VPS13D: variants seen among roughly 807,000 people sequenced by gnomAD.
The protein encoded by VPS13D is vacuolar protein sorting 13 homolog D.
A neutral mutation model predicts 461.9 loss-of-function variants in VPS13D; 187 were observed. The ratio of observed to expected loss-of-function variants is 0.40; its 90% confidence interval spans 0.36 to 0.46. VPS13D has a LOEUF of 0.46. Among genes scored for constraint, VPS13D ranks in the 20% least tolerant of loss-of-function variants. The pLI is 0.60. For missense variants in VPS13D, 4,711 were observed against 5,364.9 expected (o/e 0.88, Z 3.81); for synonymous variants, 1,951 against 1,986.3 (o/e 0.98, Z 0.47).
chr1:12,346,125 T>C (rs1643670214), intron 43 of VPS13D, among the ~76,000 whole-genome samples: 1 of 152,178 alleles, frequency 6.6e-6, no homozygotes, highest in Non-Finnish European at 1.5e-5. Flanking sequence ...CATGGAACAC[T>C]TGCACTTATT....
rs763465736 is a variant in VPS13D, at chr1:12,291,254, T to C, written c.5852+130T>C. On this transcript the variant is annotated intron_variant, in intron 23 of 69. Transcript: ENST00000620676. ...TCTTAGAGGTGAAATTGAGAAGTTATGGTTATGAGGAGTTCTTCCTGACTT... is the reference window on the plus strand; with the variant it reads ...TCTTAGAGGTGAAATTGAGAAGTTACGGTTATGAGGAGTTCTTCCTGACTT... 39 of 1,011,278 alleles carry C rather than the reference T, an allele frequency of 3.9e-5. 1 individual carries two copies. The highest frequency in any genetic ancestry group is 5.6e-5 in the Non-Finnish European group (39 of 702,564). 62.6% of individuals were successfully genotyped at this position (1,011,278 alleles called of 1,614,324 possible).
chr1:12,447,878 C>T (rs1313258252), intron 65 of VPS13D, among the ~76,000 whole-genome samples: 12 of 152,112 alleles, frequency 7.9e-5, no homozygotes, highest in Non-Finnish European at 1.2e-4. Context: ...CTGTATTTTG[C>T]GATTTTAATT....
Position 12,509,920 on chromosome 1 carries a change from T to A in VPS13D, c.*896T>A, listed in dbSNP as rs1305027919. 1 of 152,174 alleles carries A rather than the reference T, an allele frequency of 6.6e-6. No individual in the cohort carries two copies. The allele number at this position is 152,174 out of a possible 1,614,324, so 9.4% of individuals were successfully genotyped here. The stretch of plus-strand genomic sequence containing the variant: ...GAAAAAAAAAGTCCCATTGAACTGT[T>A]GCAACAAATCAGAAATCCACATAAA... On this transcript the variant is annotated 3_prime_UTR_variant, in exon 70 of 70. Coordinates refer to ENST00000620676, the MANE Select transcript of VPS13D (RefSeq NM_015378.4).
rs904967857 is a variant in VPS13D, at chr1:12,423,567, A to G, written c.12333+6740A>G. Among the ~76,000 whole-genome samples the G allele has an allele frequency of 2.6e-5, 4 of 152,154 alleles. No individual in the cohort carries two copies. In the East Asian group the frequency reaches 7.7e-4, roughly 29 times the overall value. On this transcript the variant is annotated intron_variant, in intron 65 of 69. Transcript: ENST00000620676. ...AGAAAATCTAGCTAGGACTTTAAATACCATTTTGTTCCATTTCTTTGGTTT... is the reference window on the plus strand; with the variant it reads ...AGAAAATCTAGCTAGGACTTTAAATGCCATTTTGTTCCATTTCTTTGGTTT...
In VPS13D at chr1:12,249,325, G is replaced by A. The variant is rs771272141; in HGVS notation, c.550G>A (p.Ala184Thr). ...ICIKNVSMQN[A>T]VNEPVQKLMR... The stretch of plus-strand genomic sequence containing the variant: ...CATTAAGAATGTGTCCATGCAAAAT[G>A]CTGTGAATGAGCCTGTGAGTATGAA... The change falls in exon 6 of 70, where the codon GCT becomes ACT. Residue 184 changes from alanine (A) to threonine (T), a missense_variant. Coordinates refer to ENST00000620676, the MANE Select transcript of VPS13D (RefSeq NM_015378.4). 1.2e-6 allele frequency: 2 copies of A among 1,613,044 alleles called. No individual in the cohort carries two copies. Among genetic ancestry groups the A allele is most frequent in the Non-Finnish European group, 1.7e-6 (2 of 1,179,468 alleles).
Position 12,322,741 on chromosome 1 carries a change from T to C in VPS13D, c.7910T>C (p.Val2637Ala). The C allele has an allele frequency of 6.2e-7, 1 of 1,614,002 alleles. No individual in the cohort carries two copies. Among genetic ancestry groups the C allele is most frequent in the South Asian group, 1.1e-5 (1 of 91,074 alleles). ...GGGACAAGACACACCTTAGATCCTG[T>C]CTTGGGTAGGTGTTTAACTATAAAA... ...REGTRHTLDPVLELQLARLQE... is the reference protein window; with the variant it reads ...REGTRHTLDPALELQLARLQE... The change falls in exon 34 of 70, where the codon GTC (valine) becomes GCC (alanine). Residue 2637 changes from valine (V) to alanine (A), a missense_variant. Val to Ala is a moderately conservative substitution (Grantham distance 64). Transcript: ENST00000620676.
At chr1:12,501,628 C>T (rs536032527) in intron 68 of VPS13D, among the ~76,000 whole-genome samples, 7 of 152,352 alleles carry the variant, frequency 4.6e-5, no homozygotes, top group African/African-American at 1.2e-4. Flanking sequence ...GACAGACTAA[C>T]GCATACATTT....
In VPS13D at chr1:12,261,002, C is replaced by G; in HGVS notation, c.1267C>G (p.Pro423Ala). Residue 423 changes from proline (P) to alanine (A), a missense_variant, in exon 12 of 70, where the codon CCC (proline) becomes GCC (alanine). Transcript: ENST00000620676. ...AGGAGCCTGTCCGGGAGCCCCAGAA[C>G]CCGGTGGAGGCAGTGGGATGCTGCA... The part of the protein sequence containing the change: ...SPGACPGAPE[P>A]GGGSGMLQYL... The G allele has an allele frequency of 6.2e-7, 1 of 1,613,912 alleles. No individual in the cohort carries two copies. Among genetic ancestry groups the G allele is most frequent in the Non-Finnish European group, 8.5e-7 (1 of 1,180,022 alleles).
chr1:12,321,053 G>A (rs575563140), intron 32 of VPS13D, among the ~76,000 whole-genome samples: 6 of 152,228 alleles, frequency 3.9e-5, no homozygotes, highest in Admixed American at 2.6e-4. Flanking sequence ...TTTTCTTTCC[G>A]CTGTGCTCTT....
chr1:12,299,075 C>T lies in VPS13D; in HGVS notation c.6034-127C>T. ...ACTTCCAGTTTAACTCCATGGTGGT[C>T]ATAGAATATGCTCTGTATGATTTTA... On this transcript the variant is annotated intron_variant, in intron 24 of 69. Coordinates refer to ENST00000620676, the MANE Select transcript of VPS13D (RefSeq NM_015378.4). This position sits in a 1 kb window ranked among gnomAD's most constrained non-coding sequence, Gnocchi z 4.2. 1 of 796,468 alleles carries T rather than the reference C, an allele frequency of 1.3e-6. No individual in the cohort carries two copies. Among genetic ancestry groups the T allele is most frequent in the Non-Finnish European group, 1.8e-6 (1 of 544,076 alleles). 49.3% of individuals were successfully genotyped at this position (796,468 alleles called of 1,614,324 possible).
chr1:12,427,101 G>T (rs1379737801), intron 65 of VPS13D, among the ~76,000 whole-genome samples: 2 of 151,932 alleles, frequency 1.3e-5, no homozygotes, highest in Non-Finnish European at 2.9e-5. Flanking sequence ...ATATGATTTA[G>T]AGTTTCATCA....
At chr1:12,258,858 T>A (rs2101275653) in intron 10 of VPS13D, among the ~76,000 whole-genome samples, 1 of 152,306 alleles carries the variant, frequency 6.6e-6, no homozygotes, top group South Asian at 2.1e-4. Flanking sequence ...TGCTGTGTGG[T>A]CAGTGAGGGC....
chr1:12,486,560 A>G (rs755725071), intron 67 of VPS13D, among the ~76,000 whole-genome samples: 2 of 152,142 alleles, frequency 1.3e-5, no homozygotes, highest in Admixed American at 1.3e-4. Flanking sequence ...CAGACGGTGC[A>G]CGTTCCCCGG....
chr1:12,249,884 G>A (rs1221052115), intron 6 of VPS13D, among the ~76,000 whole-genome samples: 1 of 152,152 alleles, frequency 6.6e-6, no homozygotes, highest in Admixed American at 6.5e-5. Flanking sequence ...TATAGTTCAA[G>A]TCAATTCTGA....
chr1:12,252,046 C>T (rs1430369200), intron 6 of VPS13D, among the ~76,000 whole-genome samples: 1 of 152,162 alleles, frequency 6.6e-6, no homozygotes, highest in Non-Finnish European at 1.5e-5. Context: ...TTCACGCAGC[C>T]TCTGCCTCCG....
intron 68 of VPS13D, among the ~76,000 whole-genome samples, chr1:12,498,865 C>T (rs544036878): frequency 5.7e-4 from 87 of 152,266 alleles, no homozygotes; most frequent in African/African-American, 1.9e-3. Context: ...GCTCAGGGCC[C>T]CAACCTTATG....
chr1:12,502,972 G>A lies in VPS13D; in HGVS notation c.12795-3881G>A, dbSNP rs1409493662. On this transcript the variant is annotated intron_variant, in intron 68 of 69. Coordinates refer to ENST00000620676, the MANE Select transcript of VPS13D (RefSeq NM_015378.4). The surrounding 1 kb of genome is among the most constrained non-coding windows in gnomAD (Gnocchi z 4.3). ...CTACACATCAGGATGGGGAAGCTCT[G>A]GGCAAAGTGAGAGGCGGAGACGACT... 6.6e-6 allele frequency among the ~76,000 whole-genome samples: 1 copy of A among 152,160 alleles called. No individual in the cohort carries two copies. The highest frequency in any genetic ancestry group is 1.5e-5 in the Non-Finnish European group (1 of 68,024).
At chr1:12,275,708 C>T in intron 18 of VPS13D, 117 bp from the exon 19 acceptor site, 3 of 1,022,686 alleles carry the variant, frequency 2.9e-6, no homozygotes, top group Middle Eastern at 3.4e-4. Flanking sequence ...GAGTTTTCCT[C>T]AGTTTTCTTA....
chr1:12,295,380 A>G (rs946228565), intron 24 of VPS13D, among the ~76,000 whole-genome samples: 18 of 152,184 alleles, frequency 1.2e-4, no homozygotes, highest in Admixed American at 7.2e-4. Context: ...AAAGTGAAAA[A>G]GGGCATTTGG....
Sources: gnomAD v4.1 joint callset for allele counts (sites outside exome capture counted in the v4.1 genomes callset) on GRCh38, gnomAD v4.1.1 for gene constraint, Gnocchi (gnomAD v3.1) non-coding constraint, MANE v1.5 for transcripts, NCBI Gene and HGNC (gene_info 2026-07-23, HGNC 2026-07-21) for gene names.